The following SND1 variants were observed in gnomAD, a reference collection of about 807,000 sequenced individuals.
The protein encoded by SND1 is staphylococcal nuclease and tudor domain containing 1.
SND1 carries 38 observed loss-of-function variants against 121.7 expected under a neutral mutation model. The ratio of observed to expected loss-of-function variants is 0.31; its 90% CI spans 0.24 to 0.41. SND1 has a LOEUF of 0.41. SND1 is among the 10% of genes least tolerant of loss of function. SND1 has a pLI of 1.00. For synonymous variants in SND1, 401 were observed against 447.4 expected (o/e 0.90, Z 1.31); for missense variants, 868 against 1,184.6 (o/e 0.73, Z 3.92).
intron 12 of SND1, among the ~76,000 whole-genome samples, chr7:127,844,627 G>A (rs562561570): frequency 6.6e-6 from 1 of 152,028 alleles, no homozygotes. Flanking sequence ...TTTCATTATT[G>A]TAGTTATTTA....
chr7:127,770,141 A>G (rs888748475), intron 10 of SND1, among the ~76,000 whole-genome samples: 1 of 152,180 alleles, frequency 6.6e-6, no homozygotes, highest in African/African-American at 2.4e-5. Flanking sequence ...AACCTGCAGA[A>G]TTGTGTGCAC....
intron 12 of SND1, among the ~76,000 whole-genome samples, chr7:127,845,716 AAAC>A (rs1210311178): frequency 5.3e-5 from 8 of 152,228 alleles, no homozygotes; most frequent in African/African-American, 1.9e-4. Context: ...GTACTGGTGA[AAAC>A]AACTTCACTG....
chr7:127,879,769 T>A (rs905945894), intron 12 of SND1, among the ~76,000 whole-genome samples: 1 of 152,042 alleles, frequency 6.6e-6, no homozygotes, highest in African/African-American at 2.4e-5. Flanking sequence ...GACATTGGAG[T>A]TTTTGAGGGT....
intron 12 of SND1, among the ~76,000 whole-genome samples, chr7:127,860,872 G>T (rs759826975): frequency 6.6e-6 from 1 of 152,130 alleles, no homozygotes; most frequent in Non-Finnish European, 1.5e-5. Context: ...TCAGTTGGTG[G>T]GTTTATAAAG....
intron 15 of SND1, chr7:127,948,991 CAT>C (rs1801397784): frequency 6.6e-6 from 1 of 152,256 alleles, no homozygotes; most frequent in Non-Finnish European, 1.5e-5. Context: ...CCACTTCACA[CAT>C]GTGGTATATT....
chr7:127,744,255 C>T (rs552948900), intron 10 of SND1, among the ~76,000 whole-genome samples: 7 of 151,948 alleles, frequency 4.6e-5, no homozygotes, highest in East Asian at 1.9e-4. Flanking sequence ...TTTTCCCCCC[C>T]GTTTCTTCCA....
Position 128,092,328 on chromosome 7 carries a change from T to TAA in SND1, c.*280_*281dup. 9 of 384,562 alleles carry TAA rather than the reference T, an allele frequency of 2.3e-5. No individual in the cohort carries two copies. Among genetic ancestry groups the TAA allele is most frequent in the East Asian group, 8.1e-5 (2 of 24,616 alleles). 23.8% of individuals were successfully genotyped at this position (384,562 alleles called of 1,614,324 possible). On this transcript the variant is annotated 3_prime_UTR_variant, in exon 24 of 24. Coordinates refer to ENST00000354725, the MANE Select transcript of SND1 (RefSeq NM_014390.4). This position sits in a 1 kb window ranked among gnomAD's most constrained non-coding sequence, Gnocchi z 4.9. ...TATTTGGAGGTTTGTGGGCTTTTTT[T>TAA]AAAAAAAAAAAGTCCTCAAATCAGG...
chr7:127,889,146 AC>A (rs1373304979), intron 13 of SND1, among the ~76,000 whole-genome samples: 12 of 152,158 alleles, frequency 7.9e-5, no homozygotes, highest in African/African-American at 2.9e-4. Flanking sequence ...ATTCTTAAGT[AC>A]AAAGAATCCA....
intron 12 of SND1, among the ~76,000 whole-genome samples, chr7:127,853,007 G>A (rs1269096885): frequency 6.9e-6 from 1 of 144,532 alleles, no homozygotes; most frequent in Non-Finnish European, 1.5e-5. Flanking sequence ...AGTTACGTAG[G>A]TCTACTTCTC....
At chr7:127,747,996 T>C (rs755429397) in intron 10 of SND1, among the ~76,000 whole-genome samples, 12 of 152,212 alleles carry the variant, frequency 7.9e-5, no homozygotes, top group African/African-American at 2.7e-4. Context: ...GTATGTGTTA[T>C]TGCTTTGGAT....
At chr7:127,706,606 C>G (rs977878339) in intron 8 of SND1, among the ~76,000 whole-genome samples, 2 of 152,062 alleles carry the variant, frequency 1.3e-5, no homozygotes, top group Non-Finnish European at 2.9e-5. Context: ...AAAATAATAT[C>G]TACATGTTAT....
intron 16 of SND1, among the ~76,000 whole-genome samples, chr7:128,059,044 A>G (rs911677461): frequency 6.6e-6 from 1 of 152,024 alleles, no homozygotes; most frequent in Non-Finnish European, 1.5e-5. Context: ...TGACCTCAGC[A>G]TGGCTTTCTG....
intron 16 of SND1, among the ~76,000 whole-genome samples, chr7:128,016,243 T>G (rs1292721164): frequency 1.3e-5 from 2 of 150,796 alleles, no homozygotes; most frequent in African/African-American, 4.9e-5. Context: ...TCAGCCTCCC[T>G]AGTAGCTAGG....
intron 15 of SND1, among the ~76,000 whole-genome samples, chr7:127,976,455 T>G (rs1802122800): frequency 6.6e-6 from 1 of 152,246 alleles, no homozygotes; most frequent in Non-Finnish European, 1.5e-5. Flanking sequence ...AACTGAAGCT[T>G]TGTGTCCAGC....
At chr7:127,851,330 C>T (rs1799162292) in intron 12 of SND1, among the ~76,000 whole-genome samples, 1 of 152,180 alleles carries the variant, frequency 6.6e-6, no homozygotes, top group Admixed American at 6.5e-5. Flanking sequence ...CCATGGAGAG[C>T]CCAGGAGAGA....
At chr7:127,785,668 C>A (rs1036034903) in intron 10 of SND1, among the ~76,000 whole-genome samples, 1 of 152,304 alleles carries the variant, frequency 6.6e-6, no homozygotes, top group Admixed American at 6.5e-5. Context: ...AAATGTGTAT[C>A]TAAAGTCTTG....
At chr7:127,864,451 G>C (rs1311180081) in intron 12 of SND1, among the ~76,000 whole-genome samples, 1 of 151,860 alleles carries the variant, frequency 6.6e-6, no homozygotes, top group Non-Finnish European at 1.5e-5. Flanking sequence ...ATTTGAATCT[G>C]TGAGCATGTC....
chr7:127,810,543 G>GTT (rs1339166782), intron 11 of SND1, among the ~76,000 whole-genome samples: 2 of 152,190 alleles, frequency 1.3e-5, no homozygotes, highest in East Asian at 3.8e-4. Context: ...ACTTTAACAT[G>GTT]TTTTCTGGTT....
chr7:127,742,499 T>C (rs1796900306), intron 10 of SND1, among the ~76,000 whole-genome samples: 1 of 152,124 alleles, frequency 6.6e-6, no homozygotes, highest in African/African-American at 2.4e-5. Flanking sequence ...TGCAATACTT[T>C]TTTTTTTCCT....
Sources: allele counts gnomAD v4.1 joint callset (sites outside exome capture counted in the v4.1 genomes callset), GRCh38; gene constraint gnomAD v4.1.1; non-coding constraint Gnocchi (gnomAD v3.1); transcripts MANE v1.5; gene names NCBI Gene and HGNC (gene_info 2026-07-23, HGNC 2026-07-21).